The following FKRP variants were observed in gnomAD, a reference collection of about 807,000 sequenced individuals.
FKRP encodes the protein ribitol 5-phosphate transferase FKRP.
In FKRP, 25 loss-of-function variants were observed where a neutral mutation model predicts 30.6. The ratio of observed to expected loss-of-function variants is 0.82; its 90% CI spans 0.60 to 1.14. FKRP has a LOEUF of 1.14. FKRP is among the 50% of genes most tolerant of loss of function. The pLI is 0.00. For synonymous variants in FKRP, 358 were observed against 342.5 expected (o/e 1.05, Z -0.50); for missense variants, 771 against 727.8 (o/e 1.06, Z -0.68).
At chr19:46,749,118 G>T (rs989501872) in intron 3 of FKRP, among the ~76,000 whole-genome samples, 15 of 151,956 alleles carry the variant, frequency 9.9e-5, no homozygotes, top group African/African-American at 3.6e-4. Context: ...CAAAACATGG[G>T]GTCCACCACA....
chr19:46,756,598 C>T lies in FKRP; in HGVS notation c.1148C>T (p.Ala383Val). The T allele has an allele frequency of 6.2e-7, 1 of 1,610,816 alleles. No homozygotes were observed. Among genetic ancestry groups the T allele is most frequent in the Non-Finnish European group, 8.5e-7 (1 of 1,179,022 alleles). ...TGCGAGCAGCTGCGGGGGGCAGAGGCCGGCTCGGTGGTGGATGAGCGCGGC... is the reference window on the plus strand; with the variant it reads ...TGCGAGCAGCTGCGGGGGGCAGAGGTCGGCTCGGTGGTGGATGAGCGCGGC... ...GNCEQLRGAE[A>V]GSVVDERGFV... is the part of the protein sequence containing the mutation. Residue 383 changes from alanine (A) to valine (V), a missense_variant, in exon 4 of 4, where the codon GCC becomes GTC. Coordinates refer to ENST00000318584, the MANE Select transcript of FKRP (RefSeq NM_024301.5). The surrounding 1 kb of genome is among the most constrained non-coding windows in gnomAD (Gnocchi z 6.6).
upstream of FKRP, chr19:46,746,037 CCG>C: frequency 6.2e-5 from 76 of 1,232,034 alleles, 1 homozygote; most frequent in Non-Finnish European, 7.0e-5. Context: ...TCCCGCCCCC[CCG>C]CCGGCCGTCC....
intron 3 of FKRP, among the ~76,000 whole-genome samples, chr19:46,754,673 C>T (rs1247675754): frequency 6.6e-6 from 1 of 151,938 alleles, no homozygotes; most frequent in African/African-American, 2.4e-5. Flanking sequence ...ATGGTGCCAT[C>T]TCCGCTCACT....
In FKRP at chr19:46,757,385, G is replaced by A; in HGVS notation, c.*447G>A. ...TTCAAATCCTGGCTCTATCGCTTCG[G>A]AGCCAGGTGGGCCTGGGGGGGCGTC... On this transcript the variant is annotated 3_prime_UTR_variant, in exon 4 of 4. Coordinates refer to ENST00000318584, the MANE Select transcript of FKRP (RefSeq NM_024301.5). 1 of 198,578 alleles carries A rather than the reference G, an allele frequency of 5.0e-6. No homozygotes were observed. The highest frequency in any genetic ancestry group is 1.2e-5 in the Non-Finnish European group (1 of 85,626). The allele number at this position is 198,578 out of a possible 1,614,324, so 12.3% of individuals were successfully genotyped here.
rs144236975 is a variant in FKRP at position 46,756,756 on chromosome 19, C to A, written c.1306C>A (p.Arg436=). The A allele has an allele frequency of 2.5e-6, 4 of 1,606,152 alleles. No individual in the cohort carries two copies. In the East Asian group the frequency reaches 6.7e-5, roughly 27 times the overall value. The change falls in exon 4 of 4, where the codon CGG becomes AGG. Residue 436 remains arginine, a synonymous_variant. Transcript: ENST00000318584. This position sits in a 1 kb window ranked among gnomAD's most constrained non-coding sequence, Gnocchi z 6.6. ...VMTKDTWLDH[R]QDVEFPEHFL... ...GACCAAGGACACGTGGCTGGACCAC[C>A]GGCAGGATGTGGAGTTTCCCGAGCA...
At chr19:46,746,251 C>A (rs1298080398) in intron 1 of FKRP, 161 bp downstream of exon 1, 3 of 1,493,338 alleles carry the variant, frequency 2.0e-6, no homozygotes, top group Non-Finnish European at 2.7e-6. Flanking sequence ...TCAGGGGCTC[C>A]GGGCCCGCCG....
chr19:46,756,793 C>T lies in FKRP; in HGVS notation c.1343C>T (p.Pro448Leu), dbSNP rs104894681. The T allele has an allele frequency of 1.9e-6, 3 of 1,601,034 alleles. No homozygotes were observed. Among genetic ancestry groups the T allele is most frequent in the South Asian group, 2.2e-5 (2 of 89,388 alleles). The change falls in exon 4 of 4, where the codon CCG (proline) becomes CTG (leucine). Residue 448 changes from proline to leucine, a missense_variant. Pro to Leu is a moderately conservative substitution (Grantham distance 98). Coordinates refer to ENST00000318584, the MANE Select transcript of FKRP (RefSeq NM_024301.5). The surrounding 1 kb of genome is among the most constrained non-coding windows in gnomAD (Gnocchi z 6.6). ...DVEFPEHFLQ[P>L]LVPLPFAGFV... ...GAGTTTCCCGAGCACTTCCTGCAGCCGCTGGTGCCCCTGCCCTTTGCCGGC... is the reference window on the plus strand; with the variant it reads ...GAGTTTCCCGAGCACTTCCTGCAGCTGCTGGTGCCCCTGCCCTTTGCCGGC...
rs1430913458 is a variant in FKRP, at chr19:46,756,764, T to C, written c.1314T>C (p.Asp438=). ...ACACGTGGCTGGACCACCGGCAGGA[T>C]GTGGAGTTTCCCGAGCACTTCCTGC... is the stretch of plus-strand genomic sequence containing the variant. ...TKDTWLDHRQ[D]VEFPEHFLQP... The change falls in exon 4 of 4, where the codon GAT becomes GAC. Residue 438 remains aspartate (D), a synonymous_variant. Coordinates refer to ENST00000318584, the MANE Select transcript of FKRP (RefSeq NM_024301.5). This position sits in a 1 kb window ranked among gnomAD's most constrained non-coding sequence, Gnocchi z 6.6. 5.0e-6 allele frequency: 8 copies of C among 1,605,266 alleles called. No individual in the cohort carries two copies. Among genetic ancestry groups the C allele is most frequent in the Middle Eastern group, 3.3e-4 (2 of 6,070 alleles).
intron 3 of FKRP, among the ~76,000 whole-genome samples, chr19:46,753,312 C>T (rs2054830655): frequency 6.7e-6 from 1 of 149,736 alleles, no homozygotes; most frequent in Admixed American, 6.7e-5. Flanking sequence ...ACAAAATTAG[C>T]CGGGTGTGGT....
At chr19:46,745,271 C>A (rs1038136175), upstream of FKRP, among the ~76,000 whole-genome samples, 1 of 152,120 alleles carries the variant, frequency 6.6e-6, no homozygotes, top group Non-Finnish European at 1.5e-5. Context: ...TCCTGCACAC[C>A]CCCAAAGTGG....
intron 3 of FKRP, among the ~76,000 whole-genome samples, chr19:46,749,455 G>T (rs1429346962): frequency 1.4e-5 from 2 of 145,132 alleles, no homozygotes; most frequent in African/African-American, 5.2e-5. Context: ...GGCCAGGCGC[G>T]GTGGCTCACG....
intron 3 of FKRP, among the ~76,000 whole-genome samples, chr19:46,750,337 G>A (rs962013797): frequency 1.3e-5 from 2 of 152,152 alleles, no homozygotes; most frequent in Non-Finnish European, 2.9e-5. Flanking sequence ...ATCTGCTGGT[G>A]TCTGGTCTGC....
chr19:46,746,151 G>A (rs1391876490), intron 1 of FKRP, 61 bp downstream of exon 1: 2 of 1,522,046 alleles, frequency 1.3e-6, no homozygotes, highest in South Asian at 2.4e-5. Context: ...GCGCTCACCT[G>A]TAACTCGGCG....
rs781205564 is a variant in FKRP, at chr19:46,756,263, G to A, written c.813G>A (p.Ala271=). 8.7e-6 allele frequency: 13 copies of A among 1,496,408 alleles called. No individual in the cohort carries two copies. In the African/African-American group the frequency reaches 1.7e-4, roughly 19 times the overall value. The allele number at this position is 1,496,408 out of a possible 1,614,324, so 92.7% of individuals were successfully genotyped here. Residue 271 remains alanine, a synonymous_variant, in exon 4 of 4, where the codon GCG becomes GCA. Coordinates refer to ENST00000318584, the MANE Select transcript of FKRP (RefSeq NM_024301.5). The surrounding 1 kb of genome is among the most constrained non-coding windows in gnomAD (Gnocchi z 6.6). The part of the protein sequence containing the change: ...GRARRAALLR[A]LGIRLVSWEG... ...CTCGGCGGGCGGCGCTGCTCCGCGC[G>A]CTGGGCATCCGCCTAGTGAGCTGGG...
intron 3 of FKRP, among the ~76,000 whole-genome samples, chr19:46,749,213 A>C (rs2054735947): frequency 1.3e-5 from 2 of 152,130 alleles, no homozygotes; most frequent in African/African-American, 4.8e-5. Context: ...CTGTCAGGTT[A>C]GGGCTGGGGA....
At position 46,756,197 on chromosome 19, in the gene FKRP, C is replaced by T. The variant is rs1189618622; in HGVS notation, c.747C>T (p.Ala249=). 1 of 1,437,080 alleles carries T rather than the reference C, an allele frequency of 7.0e-7. No individual in the cohort carries two copies. The highest frequency in any genetic ancestry group is 1.4e-5 in the South Asian group (1 of 73,406). 89.0% of individuals were successfully genotyped at this position (1,437,080 alleles called of 1,614,324 possible). A position where few individuals can be genotyped will look rare whatever the true frequency, so the allele number is the denominator to read the frequency against. ...CCGCGGCGCGCCAGCCCCCGCTGGC[C>T]ACGGCCCACGCGCGCTGGAAGGCTG... ...TFAAARQPPL[A]TAHARWKAER... Residue 249 remains alanine, a synonymous_variant, in exon 4 of 4, where the codon GCC becomes GCT. Coordinates refer to ENST00000318584, the MANE Select transcript of FKRP (RefSeq NM_024301.5). The surrounding 1 kb of genome is among the most constrained non-coding windows in gnomAD (Gnocchi z 6.6).
chr19:46,756,294 G>C lies in FKRP; in HGVS notation c.844G>C (p.Gly282Arg). ...CATCCGCCTAGTGAGCTGGGAAGGC[G>C]GGCGGCTGGAGTGGTTCGGCTGCAA... Reference protein sequence around the residue: ...LGIRLVSWEGGRLEWFGCNKE... With the variant: ...LGIRLVSWEGRRLEWFGCNKE... Residue 282 changes from glycine to arginine, a missense_variant, in exon 4 of 4, where the codon GGG becomes CGG. Transcript: ENST00000318584. This position sits in a 1 kb window ranked among gnomAD's most constrained non-coding sequence, Gnocchi z 6.6. 1 of 1,533,706 alleles carries C rather than the reference G, an allele frequency of 6.5e-7. No homozygotes were observed.
chr19:46,756,263 G>T lies in FKRP; in HGVS notation c.813G>T (p.Ala271=), dbSNP rs781205564. The part of the protein sequence containing the change: ...GRARRAALLR[A]LGIRLVSWEG... ...CTCGGCGGGCGGCGCTGCTCCGCGC[G>T]CTGGGCATCCGCCTAGTGAGCTGGG... The change falls in exon 4 of 4, where the codon GCG becomes GCT. Residue 271 remains alanine, a synonymous_variant. Coordinates refer to ENST00000318584, the MANE Select transcript of FKRP (RefSeq NM_024301.5). The surrounding 1 kb of genome is among the most constrained non-coding windows in gnomAD (Gnocchi z 6.6). The T allele has an allele frequency of 2.7e-6, 4 of 1,496,516 alleles. No individual in the cohort carries two copies. Among genetic ancestry groups the T allele is most frequent in the South Asian group, 2.6e-5 (2 of 78,412 alleles). The allele number at this position is 1,496,516 out of a possible 1,614,324, so 92.7% of individuals were successfully genotyped here. A position where few individuals can be genotyped will look rare whatever the true frequency, so the allele number is the denominator to read the frequency against.
intron 3 of FKRP, among the ~76,000 whole-genome samples, chr19:46,751,251 A>G (rs1395759271): frequency 6.6e-6 from 1 of 151,944 alleles, no homozygotes; most frequent in Non-Finnish European, 1.5e-5. Context: ...TTTTGTAGAG[A>G]TGGCATCTTA....
Sources: gnomAD v4.1 joint callset for allele counts (sites outside exome capture counted in the v4.1 genomes callset) on GRCh38, gnomAD v4.1.1 for gene constraint, Gnocchi (gnomAD v3.1) non-coding constraint, MANE v1.5 for transcripts, NCBI Gene and HGNC (gene_info 2026-07-23, HGNC 2026-07-21) for gene names.